The following HDAC4 variants were observed in gnomAD, a reference collection of about 807,000 sequenced individuals.
HDAC4 encodes the protein histone deacetylase A.
A neutral mutation model predicts 135.1 loss-of-function variants in HDAC4; 16 were observed. The observed-to-expected ratio is 0.12, with a 90% CI of 0.08 to 0.18. HDAC4 has a LOEUF of 0.18. HDAC4 is among the 10% of genes least tolerant of loss of function. The pLI is 1.00. For missense variants in HDAC4, 1,143 were observed against 1,511.8 expected, an observed-to-expected ratio of 0.76 and a Z score of 4.05; for synonymous variants, 685 against 653.4, an observed-to-expected ratio of 1.05 and a Z score of -0.74.
chr2:239,304,143 A>G (rs1315344152), intron 2 of HDAC4, among the ~76,000 whole-genome samples: 1 of 152,168 alleles, frequency 6.6e-6, no homozygotes, highest in African/African-American at 2.4e-5. Flanking sequence ...CTTACCTATA[A>G]ATGAGGATAA....
intron 25 of HDAC4, among the ~76,000 whole-genome samples, chr2:239,054,488 T>C (rs998023051): frequency 6.6e-6 from 1 of 152,128 alleles, no homozygotes; most frequent in African/African-American, 2.4e-5. Context: ...ACTGAGACTG[T>C]CTGGGCCTTG....
rs1694452300 is a variant in HDAC4 at position 239,369,445 on chromosome 2, G to C, written c.-219-16527C>G. Among the ~76,000 whole-genome samples the C allele has an allele frequency of 3.3e-5, 5 of 152,124 alleles. No individual in the cohort carries two copies. The South Asian group carries it at 1.0e-3, about 32-fold the overall frequency. On this transcript the variant is annotated intron_variant, in intron 1 of 26. Coordinates refer to ENST00000543185, the MANE Select transcript of HDAC4 (RefSeq NM_001378414.1). The stretch of plus-strand genomic sequence containing the variant: ...TCCAAGCTACAGTCCCGCTAACCCG[G>C]TTGGTTTCCCAAGCATGTGAGCGAA...
At chr2:239,105,849 C>T (rs1256286172) in intron 15 of HDAC4, among the ~76,000 whole-genome samples, 1 of 152,190 alleles carries the variant, frequency 6.6e-6, no homozygotes, top group African/African-American at 2.4e-5. Context: ...CCAGTGACCC[C>T]TGGCAGGCTG....
intron 2 of HDAC4, among the ~76,000 whole-genome samples, chr2:239,316,606 G>A (rs532609658): frequency 2.0e-4 from 31 of 152,190 alleles, no homozygotes; most frequent in Non-Finnish European, 4.3e-4. Context: ...CTAGGTAAGA[G>A]AGCGGCTGGA....
chr2:239,297,243 C>T (rs1559340752), intron 2 of HDAC4, among the ~76,000 whole-genome samples: 1 of 152,128 alleles, frequency 6.6e-6, no homozygotes, highest in African/African-American at 2.4e-5. Context: ...AGCGCTCACC[C>T]AAACCTTGGC....
chr2:239,092,531 C>T (rs1030826754), intron 17 of HDAC4, among the ~76,000 whole-genome samples: 2 of 152,214 alleles, frequency 1.3e-5, no homozygotes, highest in African/African-American at 2.4e-5. Context: ...AGGAGCTGCT[C>T]GGTCTACCAG....
intron 3 of HDAC4, among the ~76,000 whole-genome samples, chr2:239,220,767 T>C (rs902618132): frequency 6.6e-6 from 1 of 152,196 alleles, no homozygotes; most frequent in African/African-American, 2.4e-5. Flanking sequence ...TTTAAATGGA[T>C]AACAGATGGG....
At chr2:239,081,371 CAG>C (rs1046906195) in intron 21 of HDAC4, among the ~76,000 whole-genome samples, 179 bp from the exon 22 acceptor site, 3 of 152,228 alleles carry the variant, frequency 2.0e-5, no homozygotes, top group East Asian at 1.9e-4. Flanking sequence ...GCCCCACTGA[CAG>C]GGGCACACTG....
rs201835478 is a variant in HDAC4, at chr2:239,115,109, G to A, written c.1735C>T (p.Arg579Trp). The A allele has an allele frequency of 7.1e-5, 114 of 1,611,742 alleles. 1 individual carries two copies. The highest frequency in any genetic ancestry group is 6.9e-4 in the East Asian group (31 of 44,872). The change falls in exon 13 of 27, where the codon CGG becomes TGG. Residue 579 changes from arginine to tryptophan, a missense_variant. Transcript: ENST00000543185. This position sits in a 1 kb window ranked among gnomAD's most constrained non-coding sequence, Gnocchi z 6.3. ...TGGCGCTGGCCCGGCTCCACCTCCC[G>A]TGGGGGCTCTGCCTCTTCCTCATCG... ...ESDEEEAEPP[R>W]EVEPGQRQPS... is the part of the protein sequence containing the mutation.
In HDAC4 at chr2:239,072,640, CACCAAGG is replaced by C. The variant is rs975669979; in HGVS notation, c.2751-4040_2751-4034del. On this transcript the variant is annotated intron_variant, in intron 22 of 26. Transcript: ENST00000543185. Reference sequence around the variant, plus strand: ...CACCGGGCCCAGTGTCCCTTCCCACCACCAAGGACCTTCCAGAAACATCACGGCAGAC... The same window carrying C: ...CACCGGGCCCAGTGTCCCTTCCCACCACCTTCCAGAAACATCACGGCAGAC... 3.9e-5 allele frequency among the ~76,000 whole-genome samples: 6 copies of C among 152,244 alleles called. No individual in the cohort carries two copies. In the South Asian group the frequency reaches 6.2e-4, roughly 16 times the overall value.
At chr2:239,329,542 C>T (rs1453955276) in intron 2 of HDAC4, among the ~76,000 whole-genome samples, 4 of 151,812 alleles carry the variant, frequency 2.6e-5, no homozygotes, top group African/African-American at 7.3e-5. Flanking sequence ...CATTCCTGCT[C>T]CGGCTGGGGG....
In HDAC4 at chr2:239,377,127, C is replaced by T. The variant is rs370102005; in HGVS notation, c.-220+23851G>A. On this transcript the variant is annotated intron_variant, in intron 1 of 26. Transcript: ENST00000543185. ...TGCCCAGATGCTGTCCTCCCAAAGC[C>T]GGGGTGGGCTGCGCTCCTCTATGGC... Among the ~76,000 whole-genome samples the T allele has an allele frequency of 5.9e-5, 9 of 152,272 alleles. No individual in the cohort carries two copies. The South Asian group carries it at 1.5e-3, about 25-fold the overall frequency.
chr2:239,097,467 C>T (rs1456567885), intron 16 of HDAC4, among the ~76,000 whole-genome samples: 3 of 152,226 alleles, frequency 2.0e-5, no homozygotes, highest in South Asian at 2.1e-4. Flanking sequence ...CACATGTCAG[C>T]GTGGCACATG....
intron 25 of HDAC4, 55 bp downstream of exon 25, chr2:239,054,694 T>G: frequency 9.2e-7 from 1 of 1,092,654 alleles, no homozygotes; most frequent in Non-Finnish European, 1.4e-6. Flanking sequence ...TGGGGTGTGG[T>G]GCAGTCCCAC....
intron 19 of HDAC4, among the ~76,000 whole-genome samples, chr2:239,084,590 G>A (rs566590303): frequency 1.4e-5 from 2 of 145,670 alleles, no homozygotes; most frequent in Non-Finnish European, 3.0e-5. Flanking sequence ...ACCACAGACA[G>A]AGACACACAC....
At chr2:239,135,137 A>G (rs1190696943) in intron 9 of HDAC4, among the ~76,000 whole-genome samples, 3 of 152,268 alleles carry the variant, frequency 2.0e-5, no homozygotes, top group Non-Finnish European at 4.4e-5. Context: ...ACAAAGGATA[A>G]GCACCGGAGA....
At chr2:239,177,799 C>T (rs1466005545) in intron 4 of HDAC4, among the ~76,000 whole-genome samples, 1 of 152,182 alleles carries the variant, frequency 6.6e-6, no homozygotes, top group African/African-American at 2.4e-5. Context: ...ACAAGATGCA[C>T]AGAAGAACTG....
intron 24 of HDAC4, among the ~76,000 whole-genome samples, chr2:239,062,230 G>A (rs976690054): frequency 6.6e-6 from 1 of 152,272 alleles, no homozygotes; most frequent in Non-Finnish European, 1.5e-5. Context: ...AAGACAGAGG[G>A]GTCGCTCTGA....
At chr2:239,152,196 G>T (rs1465186990) in intron 7 of HDAC4, among the ~76,000 whole-genome samples, 1 of 152,222 alleles carries the variant, frequency 6.6e-6, no homozygotes. Context: ...TCCTCAGCGT[G>T]AACATGGACT....
Sources: gnomAD v4.1 joint callset for allele counts (sites outside exome capture counted in the v4.1 genomes callset) on GRCh38, gnomAD v4.1.1 for gene constraint, Gnocchi (gnomAD v3.1) non-coding constraint, MANE v1.5 for transcripts, NCBI Gene and HGNC (gene_info 2026-07-23, HGNC 2026-07-21) for gene names.